NDST4: variants seen among roughly 807,000 people sequenced by gnomAD.
NDST4 encodes the protein N-heparan sulfate sulfotransferase 4.
Under a neutral mutation model 100.8 loss-of-function variants are expected in NDST4, and 63 were observed. The ratio of observed to expected loss-of-function variants is 0.62; its 90% CI spans 0.51 to 0.77. The LOEUF (loss-of-function observed/expected upper bound fraction) is 0.77, where lower values mean the gene tolerates loss of function less well. NDST4 is among the 30% of genes least tolerant of loss of function. NDST4 has a pLI of 0.00. For missense variants in NDST4, 943 were observed against 1,018.4 expected, an observed-to-expected ratio of 0.93 and a Z score of 1.01; for synonymous variants, 377 against 361.8, an observed-to-expected ratio of 1.04 and a Z score of -0.48.
chr4:114,981,243 AAGGAAGGAAGG>A (rs1726764653), intron 2 of NDST4, among the ~76,000 whole-genome samples: 2 of 151,656 alleles, frequency 1.3e-5, no homozygotes, highest in South Asian at 4.2e-4. Flanking sequence ...GGAAGGAAGG[AAGGAAGGAAGG>A]AAGGAAGGAA....
At chr4:114,894,270 T>G (rs781367986) in intron 6 of NDST4, among the ~76,000 whole-genome samples, 1 of 152,182 alleles carries the variant, frequency 6.6e-6, no homozygotes, top group African/African-American at 2.4e-5. Context: ...TTTCTAATTA[T>G]GTGAACAATG....
At chr4:114,915,912 C>G (rs543009962) in intron 6 of NDST4, among the ~76,000 whole-genome samples, 1 of 151,952 alleles carries the variant, frequency 6.6e-6, no homozygotes, top group African/African-American at 2.4e-5. Flanking sequence ...AAAATGCAAA[C>G]CCCAACCACT....
At chr4:115,046,579 A>G (rs1179749792) in intron 2 of NDST4, among the ~76,000 whole-genome samples, 1 of 152,134 alleles carries the variant, frequency 6.6e-6, no homozygotes, top group Non-Finnish European at 1.5e-5. Flanking sequence ...TCATTAATCA[A>G]GGTACCATAA....
chr4:114,829,879 T>C lies in NDST4; in HGVS notation c.2410A>G (p.Lys804Glu). The stretch of plus-strand genomic sequence containing the variant: ...TCCAGTAATTGACACCAAAAACCCT[T>C]TTGGGGATCAAACCTACAGTACATA... ...YSEALTFDPQKGFWCQLLEGG... is the reference protein window; with the variant it reads ...YSEALTFDPQEGFWCQLLEGG... Residue 804 changes from lysine to glutamate, a missense_variant, in exon 13 of 14, where the codon AAG (lysine) becomes GAG (glutamate). Lys to Glu is a moderately conservative substitution (Grantham distance 56, BLOSUM62 1). Transcript: ENST00000264363. 1 of 1,610,178 alleles carries C rather than the reference T, an allele frequency of 6.2e-7. No individual in the cohort carries two copies. Among genetic ancestry groups the C allele is most frequent in the Non-Finnish European group, 8.5e-7 (1 of 1,178,956 alleles).
intron 2 of NDST4, among the ~76,000 whole-genome samples, chr4:114,981,301 G>C (rs533384297): frequency 6.6e-6 from 1 of 151,982 alleles, no homozygotes. Flanking sequence ...GTCCAACTTT[G>C]CCCCTATATA....
intron 6 of NDST4, among the ~76,000 whole-genome samples, chr4:114,892,511 C>T (rs1048505600): frequency 6.6e-6 from 1 of 151,974 alleles, no homozygotes; most frequent in African/African-American, 2.4e-5. Context: ...TACTTCTGAC[C>T]ATCAAAGATG....
At chr4:115,021,803 C>G (rs559069733) in intron 2 of NDST4, among the ~76,000 whole-genome samples, 1 of 151,660 alleles carries the variant, frequency 6.6e-6, no homozygotes, top group African/African-American at 2.4e-5. Context: ...CACATCTATA[C>G]ACATTCCATA....
intron 4 of NDST4, among the ~76,000 whole-genome samples, chr4:114,954,258 T>A (rs975318772): frequency 2.3e-4 from 35 of 152,162 alleles, no homozygotes; most frequent in Non-Finnish European, 2.1e-4. Context: ...TATAATAGAT[T>A]CTTTTAAAAA....
Position 115,022,406 on chromosome 4 carries a change from T to C in NDST4, c.979-45132A>G, listed in dbSNP as rs1385063737. ...ATGTGTTCCATATATATGTGTTCCATATATATGTGTTCCATATATATGTGT... is the reference window on the plus strand; with the variant it reads ...ATGTGTTCCATATATATGTGTTCCACATATATGTGTTCCATATATATGTGT... On this transcript the variant is annotated intron_variant, in intron 2 of 13. Transcript: ENST00000264363. Among the ~76,000 whole-genome samples the C allele has an allele frequency of 2.8e-3, 189 of 68,102 alleles. 2 individuals are homozygous for C. The highest frequency in any genetic ancestry group is 0.013 in the African/African-American group (175 of 13,364). 44.7% of individuals were successfully genotyped at this position (68,102 alleles called of 152,430 possible).
intron 1 of NDST4, among the ~76,000 whole-genome samples, chr4:115,082,056 C>T (rs1394140740): frequency 3.3e-5 from 5 of 152,130 alleles, no homozygotes; most frequent in African/African-American, 1.2e-4. Flanking sequence ...ATGTGGGCTT[C>T]ATGACCCCTG....
intron 2 of NDST4, among the ~76,000 whole-genome samples, chr4:115,045,207 G>A (rs568037466): frequency 1.3e-5 from 2 of 152,132 alleles, no homozygotes; most frequent in South Asian, 2.1e-4. Context: ...AGGGGAAAGA[G>A]GAAATTTGTC....
chr4:115,047,242 T>A (rs1728481603), intron 2 of NDST4, among the ~76,000 whole-genome samples: 1 of 152,018 alleles, frequency 6.6e-6, no homozygotes, highest in Non-Finnish European at 1.5e-5. Context: ...TAAAAATGAG[T>A]TTTATGTGTC....
chr4:115,077,074 C>T lies in NDST4; in HGVS notation c.-38G>A, dbSNP rs199780562. On this transcript the variant is annotated 5_prime_UTR_variant, in exon 2 of 14. Coordinates refer to ENST00000264363, the MANE Select transcript of NDST4 (RefSeq NM_022569.3). ...TGTTTTGGAAGCTTTTTCCCAATTTCGTTTCCTAAAGTGCCATAGTGAATA... is the reference window on the plus strand; with the variant it reads ...TGTTTTGGAAGCTTTTTCCCAATTTTGTTTCCTAAAGTGCCATAGTGAATA... 2.0e-5 allele frequency: 31 copies of T among 1,541,650 alleles called. 1 individual carries two copies. Among genetic ancestry groups the T allele is most frequent in the Middle Eastern group, 4.4e-4 (2 of 4,588 alleles).
At chr4:114,990,292 AC>A (rs1350364738) in intron 2 of NDST4, among the ~76,000 whole-genome samples, 1 of 152,116 alleles carries the variant, frequency 6.6e-6, no homozygotes, top group Non-Finnish European at 1.5e-5. Flanking sequence ...TATTCCATTC[AC>A]TGAATTATTA....
intron 2 of NDST4, among the ~76,000 whole-genome samples, chr4:115,070,865 G>A (rs1729061168): frequency 6.6e-6 from 1 of 152,110 alleles, no homozygotes; most frequent in Non-Finnish European, 1.5e-5. Flanking sequence ...AGCAACTTGG[G>A]AGACCGAGGT....
chr4:114,864,749 G>T (rs141404579), intron 7 of NDST4, among the ~76,000 whole-genome samples: 2 of 152,126 alleles, frequency 1.3e-5, no homozygotes, highest in Non-Finnish European at 1.5e-5. Context: ...AACTCCTGTA[G>T]CACTTAATAG....
rs1560570027 is a variant in NDST4, at chr4:115,022,375, G to GTGTTCCA, written c.979-45102_979-45101insTGGAACA. On this transcript the variant is annotated intron_variant, in intron 2 of 13. Transcript: ENST00000264363. The stretch of plus-strand genomic sequence containing the variant: ...TGTTCCACGTACATATGTGTTCCAT[G>GTGTTCCA]TACATATGTGTTCCATATATATGTG... Among the ~76,000 whole-genome samples, 614 of 89,256 alleles carry GTGTTCCA rather than the reference G, an allele frequency of 6.9e-3. 73 individuals carry two copies. The highest frequency in any genetic ancestry group is 0.028 in the African/African-American group (575 of 20,542). The allele number at this position is 89,256 out of a possible 152,430, so 58.6% of individuals were successfully genotyped here.
chr4:114,946,221 A>G (rs1253814231), intron 4 of NDST4, among the ~76,000 whole-genome samples: 1 of 152,170 alleles, frequency 6.6e-6, no homozygotes, highest in Non-Finnish European at 1.5e-5. Context: ...CTTTATTGAC[A>G]ATCAACATGT....
chr4:114,895,551 A>G (rs558060767), intron 6 of NDST4, among the ~76,000 whole-genome samples: 22 of 152,328 alleles, frequency 1.4e-4, no homozygotes, highest in Admixed American at 6.5e-4. Context: ...GAATTCTACC[A>G]GAACTACAAA....
Sources: allele counts gnomAD v4.1 joint callset (sites outside exome capture counted in the v4.1 genomes callset), GRCh38; gene constraint gnomAD v4.1.1; transcripts MANE v1.5; gene names NCBI Gene and HGNC (gene_info 2026-07-23, HGNC 2026-07-21).